The following MTMR7 variants were observed in gnomAD, a reference collection of about 807,000 sequenced individuals.
MTMR7 encodes myotubularin related protein 7, also known as phosphatidylinositol-3-phosphate phosphatase MTMR7.
In MTMR7, 76 loss-of-function variants were observed where a neutral mutation model predicts 81.2. The ratio of observed to expected loss-of-function variants is 0.94; its 90% CI spans 0.78 to 1.13. The LOEUF is 1.13. Among genes scored for constraint, MTMR7 ranks in the 50% most tolerant of loss-of-function variants. MTMR7 has a pLI of 0.00. For missense variants in MTMR7, 1,044 were observed against 820.0 expected, an observed-to-expected ratio of 1.27 and a Z score of -3.34; for synonymous variants, 372 against 289.8, an observed-to-expected ratio of 1.28 and a Z score of -2.88.
chr8:17,326,500 C>A (rs1818687691), intron 7 of MTMR7: 1 of 152,184 alleles, frequency 6.6e-6, no homozygotes, highest in African/African-American at 2.4e-5. Flanking sequence ...AGAATCACTA[C>A]TCAACAACGA....
chr8:17,364,629 G>A lies in MTMR7; in HGVS notation c.311-3355C>T, dbSNP rs1390032334. On this transcript the variant is annotated intron_variant, in intron 3 of 13. Coordinates refer to ENST00000180173, the MANE Select transcript of MTMR7 (RefSeq NM_004686.5). Reference sequence around the variant, plus strand: ...ACCATTCTACTCTCTGCTTCTATGAGTTTAACTGTCATAGATCCCACATGT... The same window carrying A: ...ACCATTCTACTCTCTGCTTCTATGAATTTAACTGTCATAGATCCCACATGT... 2.6e-5 allele frequency among the ~76,000 whole-genome samples: 4 copies of A among 152,156 alleles called. No homozygotes were observed. In the East Asian group the frequency reaches 7.7e-4, roughly 29 times the overall value.
intron 7 of MTMR7, among the ~76,000 whole-genome samples, chr8:17,322,324 C>G (rs967548118): frequency 3.3e-5 from 5 of 152,144 alleles, no homozygotes; most frequent in Non-Finnish European, 7.4e-5. Context: ...ACCATGTGTT[C>G]CAGAATACTA....
At chr8:17,344,024 T>C (rs545122403) in intron 5 of MTMR7, among the ~76,000 whole-genome samples, 30 of 152,226 alleles carry the variant, frequency 2.0e-4, no homozygotes, top group Non-Finnish European at 2.9e-4. Context: ...ACATTTTTGA[T>C]GGCTTACTAC....
chr8:17,375,631 A>G (rs1820562882), intron 1 of MTMR7, among the ~76,000 whole-genome samples: 1 of 152,176 alleles, frequency 6.6e-6, no homozygotes, highest in Non-Finnish European at 1.5e-5. Context: ...ACATATTTAT[A>G]AGACCTGTTT....
At chr8:17,394,147 G>T (rs1348728686) in intron 1 of MTMR7, among the ~76,000 whole-genome samples, 1 of 152,160 alleles carries the variant, frequency 6.6e-6, no homozygotes, top group East Asian at 1.9e-4. Context: ...CCTCTCAACA[G>T]ATTAAGCATG....
intron 3 of MTMR7, among the ~76,000 whole-genome samples, chr8:17,365,465 C>A (rs1199874944): frequency 1.3e-5 from 2 of 152,150 alleles, no homozygotes; most frequent in African/African-American, 2.4e-5. Flanking sequence ...TATCCCTCAC[C>A]TGATTTTCTA....
At chr8:17,398,563 G>A (rs1454841898) in intron 1 of MTMR7, among the ~76,000 whole-genome samples, 2 of 152,104 alleles carry the variant, frequency 1.3e-5, no homozygotes, top group Non-Finnish European at 2.9e-5. Context: ...GATCCAGAAA[G>A]CCTCAAACGG....
In MTMR7 at chr8:17,347,021, T is replaced by G. The variant is rs577317769; in HGVS notation, c.597+1932A>C. On this transcript the variant is annotated intron_variant, in intron 5 of 13. Transcript: ENST00000180173. Reference sequence around the variant, plus strand: ...ACCAGCCTGGGCAACATGGCTTTCCTCGTCTCTACAAAAAATGCAAAACAA... The same window carrying G: ...ACCAGCCTGGGCAACATGGCTTTCCGCGTCTCTACAAAAAATGCAAAACAA... Among the ~76,000 whole-genome samples the G allele has an allele frequency of 5.3e-5, 8 of 150,996 alleles. No individual in the cohort carries two copies. The South Asian group carries it at 1.5e-3, about 28-fold the overall frequency.
intron 5 of MTMR7, among the ~76,000 whole-genome samples, chr8:17,346,390 T>G (rs1819551576): frequency 6.6e-6 from 1 of 152,080 alleles, no homozygotes; most frequent in Non-Finnish European, 1.5e-5. Flanking sequence ...AGCTAGAGCT[T>G]CAGGTTGTTT....
chr8:17,367,019 TG>T (rs1268971426), intron 3 of MTMR7, among the ~76,000 whole-genome samples: 1 of 151,804 alleles, frequency 6.6e-6, no homozygotes, highest in Non-Finnish European at 1.5e-5. Flanking sequence ...AGCAAACAAG[TG>T]TTGAAATTAA....
rs1420180486 is a variant in MTMR7, at chr8:17,304,488, G to A, written c.1384C>T (p.His462Tyr). Residue 462 changes from histidine (H) to tyrosine (Y), a missense_variant, in exon 12 of 14, where the codon CAC becomes TAC. Physicochemically the swap from His to Tyr is moderately conservative, Grantham distance 83 (BLOSUM62 2). Transcript: ENST00000180173. ...IQERTYSLWA[H>Y]LWKNRADYLN... is the part of the protein sequence containing the mutation. ...TAGTCGGCCCGATTCTTCCACAGGT[G>A]AGCCCATAATGAGTATGTTCTTTCT... The A allele has an allele frequency of 1.2e-6, 2 of 1,613,914 alleles. No homozygotes were observed.
At chr8:17,396,201 C>T (rs866518094) in intron 1 of MTMR7, among the ~76,000 whole-genome samples, 46 of 151,912 alleles carry the variant, frequency 3.0e-4, no homozygotes, top group African/African-American at 1.0e-3. Flanking sequence ...ACAGATCATC[C>T]TGCCTGCAAG....
chr8:17,384,871 G>T (rs758406535), intron 1 of MTMR7, among the ~76,000 whole-genome samples: 11 of 152,070 alleles, frequency 7.2e-5, no homozygotes, highest in African/African-American at 9.7e-5. Context: ...CTTTTCCCAG[G>T]ACTATTTTAT....
Position 17,299,357 on chromosome 8 carries a change from A to G in MTMR7, c.*505T>C, listed in dbSNP as rs1215466845. ...GCAATTAAAAGCTCCTTAGGAATGC[A>G]TCTATTAACTAAAAAGGGTGCATCT... On this transcript the variant is annotated 3_prime_UTR_variant, in exon 14 of 14. Coordinates refer to ENST00000180173, the MANE Select transcript of MTMR7 (RefSeq NM_004686.5). 2 of 153,304 alleles carry G rather than the reference A, an allele frequency of 1.3e-5. No individual in the cohort carries two copies. The highest frequency in any genetic ancestry group is 2.9e-5 in the Non-Finnish European group (2 of 68,796). 9.5% of individuals were successfully genotyped at this position (153,304 alleles called of 1,614,324 possible). A position where few individuals can be genotyped will look rare whatever the true frequency, so the allele number is the denominator to read the frequency against.
rs138300683 is a variant in MTMR7 at position 17,399,033 on chromosome 8, G to C, written c.24+14236C>G. 7.7e-3 allele frequency among the ~76,000 whole-genome samples: 1,176 copies of C among 152,040 alleles called. 28 individuals carry two copies. Among genetic ancestry groups the C allele is most frequent in the African/African-American group, 0.027 (1,125 of 41,474 alleles). On this transcript the variant is annotated intron_variant, in intron 1 of 13. Coordinates refer to ENST00000180173, the MANE Select transcript of MTMR7 (RefSeq NM_004686.5). The stretch of plus-strand genomic sequence containing the variant: ...CTCACAGCTAGTATCATACTGAATG[G>C]GGAAAAACTGAAAGCCTTTTGTCTA...
At chr8:17,405,297 A>T (rs573287360) in intron 1 of MTMR7, among the ~76,000 whole-genome samples, 14 of 152,360 alleles carry the variant, frequency 9.2e-5, no homozygotes, top group African/African-American at 3.4e-4. Flanking sequence ...ATGCTGGCAG[A>T]AGACACAAGA....
intron 6 of MTMR7, among the ~76,000 whole-genome samples, chr8:17,341,023 A>T (rs144392391): frequency 6.6e-6 from 1 of 152,372 alleles, no homozygotes; most frequent in Non-Finnish European, 1.5e-5. Flanking sequence ...TTTTATTGTC[A>T]GAGCAGAAAG....
chr8:17,364,399 T>C (rs1820157877), intron 3 of MTMR7, among the ~76,000 whole-genome samples: 1 of 152,222 alleles, frequency 6.6e-6, no homozygotes, highest in African/African-American at 2.4e-5. Context: ...AACATATACA[T>C]TGCCTCAAGT....
At chr8:17,310,484 T>C (rs1380398403) in intron 9 of MTMR7, among the ~76,000 whole-genome samples, 1 of 152,134 alleles carries the variant, frequency 6.6e-6, no homozygotes, top group African/African-American at 2.4e-5. Flanking sequence ...AAGTTGATGA[T>C]GGAAACGCAT....
Sources: allele counts gnomAD v4.1 joint callset (sites outside exome capture counted in the v4.1 genomes callset), GRCh38; gene constraint gnomAD v4.1.1; transcripts MANE v1.5; gene names NCBI Gene and HGNC (gene_info 2026-07-23, HGNC 2026-07-21).